Variants in MAPK6 observed in about 807,000 individuals in gnomAD.
MAPK6 encodes the protein mitogen-activated protein kinase 6.
A neutral mutation model predicts 59.3 loss-of-function variants in MAPK6; 19 were observed. The observed-to-expected ratio is 0.32, with a 90% CI of 0.22 to 0.47. MAPK6 has a LOEUF of 0.47. Among genes scored for constraint, MAPK6 ranks in the 20% least tolerant of loss-of-function variants. The pLI, the probability that MAPK6 is intolerant of heterozygous loss-of-function variation, is 1.00. For synonymous variants in MAPK6, 316 were observed against 290.3 expected, an observed-to-expected ratio of 1.09 and a Z score of -0.90; for missense variants, 724 against 847.9, an observed-to-expected ratio of 0.85 and a Z score of 1.81.
chr15:52,036,474 A>G (rs117330633), intron 1 of MAPK6, among the ~76,000 whole-genome samples: 1,651 of 152,294 alleles, frequency 0.011, 21 homozygotes, highest in Non-Finnish European at 0.017. Context: ...GCATCAGCCC[A>G]TGGTATAAGA....
At chr15:51,978,659 C>A (rs2057164089) in intron 1 of MAPK6, among the ~76,000 whole-genome samples, 2 of 150,378 alleles carry the variant, frequency 1.3e-5, no homozygotes, top group African/African-American at 2.4e-5. Flanking sequence ...ACCTTATAAC[C>A]CCATTAAAAA....
intron 4 of MAPK6, among the ~76,000 whole-genome samples, chr15:52,059,574 C>T (rs2032117735): frequency 6.6e-6 from 1 of 152,246 alleles, no homozygotes; most frequent in Admixed American, 6.5e-5. Flanking sequence ...GGATCCACTT[C>T]AGAGTAGTTG....
intron 5 of MAPK6, among the ~76,000 whole-genome samples, chr15:52,061,709 G>A (rs1472000801): frequency 6.6e-6 from 1 of 152,128 alleles, no homozygotes; most frequent in African/African-American, 2.4e-5. Context: ...GAACCCAAGT[G>A]GCCGAGGCTG....
At chr15:51,971,847 G>A (rs2057127676) in exon 1 of MAPK6, 2 of 1,272,376 alleles carry the variant, frequency 1.6e-6, no homozygotes, top group Admixed American at 1.7e-5. Context: ...ATTCGCCGAA[G>A]ACACTCCTTT....
At chr15:52,012,716 C>T (rs181463302) in intron 3 of MAPK6, among the ~76,000 whole-genome samples, 5 of 152,060 alleles carry the variant, frequency 3.3e-5, no homozygotes, top group Middle Eastern at 3.4e-3. Flanking sequence ...CAGCCAGGCA[C>T]GATGGCTTAC....
chr15:51,991,148 T>C (rs4775992), intron 2 of MAPK6, among the ~76,000 whole-genome samples: 28,551 of 140,348 alleles, frequency 0.2, 3,171 homozygotes, highest in East Asian at 0.43. Flanking sequence ...TATATATATA[T>C]ACACACACAC....
intron 1 of MAPK6, among the ~76,000 whole-genome samples, chr15:52,044,750 G>C (rs945638945): frequency 4.6e-5 from 7 of 151,776 alleles, no homozygotes; most frequent in Non-Finnish European, 1.0e-4. Flanking sequence ...AGTGTACAGA[G>C]ATCAATATAA....
intron 2 of MAPK6, among the ~76,000 whole-genome samples, chr15:52,047,348 T>C (rs1246130109): frequency 1.3e-5 from 2 of 152,140 alleles, no homozygotes; most frequent in Non-Finnish European, 2.9e-5. Context: ...ATTTCAACTT[T>C]AGGTCTTTTG....
At chr15:51,982,968 T>G (rs1391935005) in intron 1 of MAPK6, among the ~76,000 whole-genome samples, 1 of 152,202 alleles carries the variant, frequency 6.6e-6, no homozygotes, top group Non-Finnish European at 1.5e-5. Context: ...ACATTTTAGG[T>G]TAATCATGAT....
intron 2 of MAPK6, among the ~76,000 whole-genome samples, chr15:52,002,641 TCATCAG>T (rs2057245654): frequency 6.6e-6 from 1 of 152,210 alleles, no homozygotes; most frequent in South Asian, 2.1e-4. Flanking sequence ...AGGAAGTGGA[TCATCAG>T]AGTTGTTCTG....
At chr15:52,002,558 T>C (rs1263316462) in intron 2 of MAPK6, among the ~76,000 whole-genome samples, 2 of 152,224 alleles carry the variant, frequency 1.3e-5, no homozygotes, top group African/African-American at 2.4e-5. Context: ...GGAAATAAGA[T>C]TGGGCAGAGG....
chr15:52,015,120 C>A (rs1157450878), upstream of MAPK6, among the ~76,000 whole-genome samples: 3 of 151,968 alleles, frequency 2.0e-5, no homozygotes, highest in African/African-American at 4.8e-5. Flanking sequence ...CCTGCCTCAG[C>A]CTCCTGAGTA....
At chr15:52,003,197 A>AG (rs1439246674) in intron 2 of MAPK6, among the ~76,000 whole-genome samples, 1 of 151,882 alleles carries the variant, frequency 6.6e-6, no homozygotes, top group African/African-American at 2.4e-5. Context: ...TAAAAAAAAA[A>AG]CCAAAAAACA....
chr15:52,001,503 T>C (rs114142521), intron 2 of MAPK6, among the ~76,000 whole-genome samples: 2,313 of 126,656 alleles, frequency 0.018, 28 homozygotes, highest in African/African-American at 0.039. Flanking sequence ...TTTGTCCTTT[T>C]CCTTTCTTTT....
intron 3 of MAPK6, chr15:52,057,292 C>T (rs2032020634): frequency 6.6e-6 from 1 of 151,762 alleles, no homozygotes; most frequent in South Asian, 2.1e-4. Flanking sequence ...CATCTCTGCT[C>T]AAACTGCATG....
intron 1 of MAPK6, among the ~76,000 whole-genome samples, chr15:52,042,184 G>A (rs1595993320): frequency 6.6e-6 from 1 of 152,246 alleles, no homozygotes; most frequent in African/African-American, 2.4e-5. Context: ...CTAATGGATA[G>A]TGAAGGATCT....
At chr15:52,060,985 A>G (rs990287347) in intron 4 of MAPK6, among the ~76,000 whole-genome samples, 25 of 152,242 alleles carry the variant, frequency 1.6e-4, no homozygotes, top group Non-Finnish European at 3.4e-4. Context: ...TGACTTGCAG[A>G]GCTAGGATTA....
chr15:51,979,543 A>G (rs2141804626), intron 1 of MAPK6, among the ~76,000 whole-genome samples: 1 of 151,978 alleles, frequency 6.6e-6, no homozygotes, highest in African/African-American at 2.4e-5. Flanking sequence ...CTGTAATCCT[A>G]GCACTTTGGG....
chr15:52,054,993 C>T (rs377729176), intron 3 of MAPK6, among the ~76,000 whole-genome samples: 11 of 152,150 alleles, frequency 7.2e-5, no homozygotes, highest in African/African-American at 2.4e-4. Context: ...TTGGCCAGGC[C>T]GGTCTCAAAT....
Sources: gnomAD v4.1 joint callset for allele counts (sites outside exome capture counted in the v4.1 genomes callset) on GRCh38, gnomAD v4.1.1 for gene constraint, MANE v1.5 for transcripts, NCBI Gene and HGNC (gene_info 2026-07-23, HGNC 2026-07-21) for gene names.